The following OLA1 variants were observed in gnomAD, a reference collection of about 807,000 sequenced individuals.
OLA1 encodes the protein Obg like ATPase 1.
Under a neutral mutation model 48.4 loss-of-function variants are expected in OLA1, and 14 were observed. The observed-to-expected ratio is 0.29, with a 90% CI of 0.19 to 0.45. The LOEUF is 0.45. Ranked by LOEUF, OLA1 falls within the 20% of genes least tolerant of loss-of-function variation. The pLI is 1.00. For missense variants in OLA1, 325 were observed against 467.1 expected (o/e 0.70, Z 2.80); for synonymous variants, 127 against 150.4 (o/e 0.84, Z 1.14).
chr2:174,079,312 C>T, intron 9 of OLA1: 1 of 331,534 alleles, frequency 3.0e-6, no homozygotes, highest in Non-Finnish European at 5.4e-6. Context: ...TTTGTTTTTC[C>T]TAACAGTCAT....
intron 5 of OLA1, among the ~76,000 whole-genome samples, chr2:174,140,199 C>T (rs938438696): frequency 1.3e-5 from 2 of 152,026 alleles, no homozygotes; most frequent in Admixed American, 6.6e-5. Flanking sequence ...AATGACCTGC[C>T]TATCTTTCTC....
intron 10 of OLA1, among the ~76,000 whole-genome samples, chr2:174,076,554 C>G (rs1684741802): frequency 6.6e-6 from 1 of 152,030 alleles, no homozygotes; most frequent in Non-Finnish European, 1.5e-5. Context: ...TAATCTGTAA[C>G]AAAAACACTA....
At chr2:174,238,120 A>T (rs1688902588) in intron 2 of OLA1, among the ~76,000 whole-genome samples, 1 of 152,252 alleles carries the variant, frequency 6.6e-6, no homozygotes, top group African/African-American at 2.4e-5. Flanking sequence ...CTGTTAACCT[A>T]GAATTCTACC....
At chr2:174,139,949 C>T (rs1686404886) in intron 5 of OLA1, among the ~76,000 whole-genome samples, 1 of 150,226 alleles carries the variant, frequency 6.7e-6, no homozygotes, top group African/African-American at 2.4e-5. Flanking sequence ...TCAGGAAAAA[C>T]TCTTCTTTAA....
chr2:174,216,579 G>T (rs534511599), intron 4 of OLA1, among the ~76,000 whole-genome samples: 1 of 152,170 alleles, frequency 6.6e-6, no homozygotes, highest in African/African-American at 2.4e-5. Context: ...TTAAGACAGG[G>T]TCTCACTCTG....
intron 4 of OLA1, among the ~76,000 whole-genome samples, chr2:174,149,587 T>A (rs1200360146): frequency 1.3e-5 from 2 of 152,230 alleles, no homozygotes; most frequent in African/African-American, 4.8e-5. Flanking sequence ...TCTAAAATTA[T>A]GACTTTTCTA....
At chr2:174,092,275 A>C (rs1685146027) in intron 7 of OLA1, among the ~76,000 whole-genome samples, 2 of 152,176 alleles carry the variant, frequency 1.3e-5, no homozygotes, top group Admixed American at 6.5e-5. Flanking sequence ...CACCTATAAT[A>C]GTGCTTGGCA....
chr2:174,238,306 G>A (rs1306153720), intron 2 of OLA1, among the ~76,000 whole-genome samples: 2 of 152,060 alleles, frequency 1.3e-5, no homozygotes, highest in South Asian at 4.1e-4. Flanking sequence ...GACCAGCCTG[G>A]GTCAACATGG....
rs182494500 is a variant in OLA1 at position 174,204,360 on chromosome 2, C to T, written c.373+18673G>A. On this transcript the variant is annotated intron_variant, in intron 4 of 10. Coordinates refer to ENST00000284719, the MANE Select transcript of OLA1 (RefSeq NM_013341.5). Reference sequence around the variant, plus strand: ...AGCTTGCAGTGAGCCGAGATGGCACCACTGCTCTCCAGCCTGGGCGACAGA... The same window carrying T: ...AGCTTGCAGTGAGCCGAGATGGCACTACTGCTCTCCAGCCTGGGCGACAGA... Among the ~76,000 whole-genome samples the T allele has an allele frequency of 1.4e-4, 21 of 152,142 alleles. 1 individual carries two copies. Among genetic ancestry groups the T allele is most frequent in the Admixed American group, 1.2e-3 (18 of 15,308 alleles).
intron 4 of OLA1, among the ~76,000 whole-genome samples, chr2:174,157,455 T>C (rs1686914454): frequency 1.3e-5 from 2 of 152,182 alleles, no homozygotes; most frequent in African/African-American, 4.8e-5. Flanking sequence ...CATTTAAAAG[T>C]TATACTAAGA....
chr2:174,094,643 A>G (rs1553478186), intron 7 of OLA1, among the ~76,000 whole-genome samples: 1 of 152,180 alleles, frequency 6.6e-6, no homozygotes, highest in Non-Finnish European at 1.5e-5. Flanking sequence ...TGGTCAACTG[A>G]TTTTTTAAAA....
intron 7 of OLA1, among the ~76,000 whole-genome samples, chr2:174,089,649 C>T (rs1685060376): frequency 6.6e-6 from 1 of 152,048 alleles, no homozygotes; most frequent in East Asian, 1.9e-4. Flanking sequence ...TGCCTGTAAT[C>T]CCAGGACTTT....
chr2:174,103,943 G>T (rs753535453), intron 7 of OLA1, among the ~76,000 whole-genome samples: 17 of 151,692 alleles, frequency 1.1e-4, no homozygotes, highest in Non-Finnish European at 1.8e-4. Context: ...GTCATCCATC[G>T]TAGGGGGAAG....
At chr2:174,096,181 A>G (rs1685251968) in intron 7 of OLA1, among the ~76,000 whole-genome samples, 2 of 152,230 alleles carry the variant, frequency 1.3e-5, no homozygotes, top group Admixed American at 1.3e-4. Flanking sequence ...ACAAAAGGCC[A>G]CATATTGTGT....
chr2:174,098,658 T>TTA (rs1553478716), intron 7 of OLA1, among the ~76,000 whole-genome samples: 1 of 152,176 alleles, frequency 6.6e-6, no homozygotes, highest in Non-Finnish European at 1.5e-5. Context: ...CCATGGAACT[T>TTA]TCTAAAGTCT....
At chr2:174,134,052 C>A (rs1359459376) in intron 5 of OLA1, among the ~76,000 whole-genome samples, 2 of 152,174 alleles carry the variant, frequency 1.3e-5, no homozygotes, top group African/African-American at 4.8e-5. Context: ...TTGTGCCTGG[C>A]TTCTTTCACA....
intron 4 of OLA1, among the ~76,000 whole-genome samples, chr2:174,181,490 C>T (rs1057054785): frequency 3.3e-5 from 5 of 152,066 alleles, no homozygotes; most frequent in Admixed American, 2.0e-4. Flanking sequence ...ATGTGAAATA[C>T]GTAAGAGAGG....
chr2:174,188,563 T>C (rs945347391), intron 4 of OLA1, among the ~76,000 whole-genome samples: 29 of 152,236 alleles, frequency 1.9e-4, no homozygotes, highest in South Asian at 8.3e-4. Context: ...ATTAATGACA[T>C]GTTATATTTA....
chr2:174,144,951 A>AAAAAAAAATAT (rs1181030817), intron 4 of OLA1, among the ~76,000 whole-genome samples: 8 of 40,278 alleles, frequency 2.0e-4, no homozygotes, highest in Non-Finnish European at 2.4e-4. Flanking sequence ...AAAAAAAAAA[A>AAAAAAAAATAT]ATATATATAT....
Sources: allele counts gnomAD v4.1 joint callset (sites outside exome capture counted in the v4.1 genomes callset), GRCh38; gene constraint gnomAD v4.1.1; transcripts MANE v1.5; gene names NCBI Gene and HGNC (gene_info 2026-07-23, HGNC 2026-07-21).